The following CPQ variants were observed in gnomAD, a reference collection of about 807,000 sequenced individuals.
CPQ encodes the protein Ser-Met dipeptidase.
A neutral mutation model predicts 45.7 loss-of-function variants in CPQ; 37 were observed. The observed-to-expected ratio is 0.81, with a 90% CI of 0.62 to 1.07. The LOEUF (loss-of-function observed/expected upper bound fraction) is 1.07. Ranked by LOEUF, CPQ falls within the 50% of genes least tolerant of loss-of-function variation. CPQ has a pLI of 0.00. For synonymous variants in CPQ, 186 were observed against 205.8 expected, an observed-to-expected ratio of 0.90 and a Z score of 0.82; for missense variants, 537 against 572.9, an observed-to-expected ratio of 0.94 and a Z score of 0.64.
At chr8:96,673,708 T>A (rs1467551847) in intron 1 of CPQ, among the ~76,000 whole-genome samples, 1 of 152,110 alleles carries the variant, frequency 6.6e-6, no homozygotes, top group Non-Finnish European at 1.5e-5. Flanking sequence ...TTGTGGGACA[T>A]CCATAAGACT....
chr8:96,872,133 G>C (rs1191851819), intron 3 of CPQ, among the ~76,000 whole-genome samples: 1 of 151,808 alleles, frequency 6.6e-6, no homozygotes, highest in East Asian at 1.9e-4. Context: ...TCAGATTTTG[G>C]AATACTTACA....
chr8:96,968,221 C>G (rs1390624533), intron 5 of CPQ, among the ~76,000 whole-genome samples: 1 of 152,052 alleles, frequency 6.6e-6, no homozygotes, highest in African/African-American at 2.4e-5. Context: ...CCCAGTGACC[C>G]CTCCACTTTT....
At chr8:96,658,024 A>G (rs963093818) in intron 1 of CPQ, among the ~76,000 whole-genome samples, 8 of 152,238 alleles carry the variant, frequency 5.3e-5, no homozygotes, top group African/African-American at 1.9e-4. Flanking sequence ...TAAATCATTA[A>G]TGCCATATGT....
In CPQ at chr8:96,735,110, C is replaced by A. The variant is rs944347496; in HGVS notation, c.-34-49754C>A. Among the ~76,000 whole-genome samples, 5 of 152,118 alleles carry A rather than the reference C, an allele frequency of 3.3e-5. No individual in the cohort carries two copies. In the South Asian group the frequency reaches 1.0e-3, roughly 31 times the overall value. On this transcript the variant is annotated intron_variant, in intron 1 of 7. Coordinates refer to ENST00000220763, the MANE Select transcript of CPQ (RefSeq NM_016134.4). Reference sequence around the variant, plus strand: ...CTGTATGTTTTTATATCAAACAGGACCACTATGTTTTTTTCAGGACACTTA... The same window carrying A: ...CTGTATGTTTTTATATCAAACAGGAACACTATGTTTTTTTCAGGACACTTA...
chr8:96,973,363 G>T (rs914596418), intron 5 of CPQ, among the ~76,000 whole-genome samples: 7 of 152,074 alleles, frequency 4.6e-5, no homozygotes, highest in African/African-American at 1.7e-4. Flanking sequence ...CAAGAAGTTT[G>T]GGATTATGTT....
chr8:96,922,733 A>G (rs1812825580), intron 4 of CPQ, among the ~76,000 whole-genome samples: 1 of 152,246 alleles, frequency 6.6e-6, no homozygotes, highest in Admixed American at 6.5e-5. Context: ...AAGATGCTAC[A>G]TATCTGTAGC....
At chr8:96,927,809 C>G (rs1812912545) in intron 4 of CPQ, among the ~76,000 whole-genome samples, 9 of 152,186 alleles carry the variant, frequency 5.9e-5, no homozygotes, top group Admixed American at 5.9e-4. Flanking sequence ...GTTTCCACCA[C>G]CTTTTTTTGC....
At chr8:97,023,588 G>A (rs1809747123) in intron 5 of CPQ, among the ~76,000 whole-genome samples, 1 of 152,202 alleles carries the variant, frequency 6.6e-6, no homozygotes, top group Non-Finnish European at 1.5e-5. Flanking sequence ...CTTCACCAAT[G>A]ATTAACAGTG....
chr8:96,976,909 T>C (rs1813799916), intron 5 of CPQ, among the ~76,000 whole-genome samples: 1 of 152,006 alleles, frequency 6.6e-6, no homozygotes, highest in African/African-American at 2.4e-5. Flanking sequence ...GAAGATAAAA[T>C]TGGAAAAAGT....
chr8:96,977,431 A>C (rs1467248822), intron 5 of CPQ, among the ~76,000 whole-genome samples: 1 of 151,826 alleles, frequency 6.6e-6, no homozygotes, highest in Non-Finnish European at 1.5e-5. Context: ...AACAGTGTGG[A>C]TAATCTTTAA....
At chr8:96,815,589 C>T (rs1811217356) in intron 2 of CPQ, among the ~76,000 whole-genome samples, 1 of 152,132 alleles carries the variant, frequency 6.6e-6, no homozygotes, top group Admixed American at 6.6e-5. Context: ...CAGAAGCTCT[C>T]ATTGGCTAAA....
chr8:96,723,796 TA>T (rs149681386), intron 1 of CPQ, among the ~76,000 whole-genome samples: 1 of 152,090 alleles, frequency 6.6e-6, no homozygotes, highest in South Asian at 2.1e-4. Context: ...CCTGATTTTC[TA>T]AAAAACTAGG....
chr8:96,716,830 C>G (rs1809680011), intron 1 of CPQ, among the ~76,000 whole-genome samples: 2 of 151,386 alleles, frequency 1.3e-5, no homozygotes, highest in Admixed American at 1.3e-4. Context: ...TTGCTTGAAC[C>G]TGGGAGGCAG....
chr8:96,696,147 T>C (rs1465081681), intron 1 of CPQ, among the ~76,000 whole-genome samples: 37 of 152,102 alleles, frequency 2.4e-4, no homozygotes, highest in Non-Finnish European at 4.6e-4. Flanking sequence ...TGTAGGGACA[T>C]GGATGAAATT....
At chr8:97,039,721 A>G (rs952365269) in intron 6 of CPQ, among the ~76,000 whole-genome samples, 4 of 152,016 alleles carry the variant, frequency 2.6e-5, no homozygotes, top group Admixed American at 1.3e-4. Flanking sequence ...CCTATGAGTA[A>G]GAACATGTGG....
At chr8:96,973,371 G>A (rs1037216866) in intron 5 of CPQ, among the ~76,000 whole-genome samples, 1 of 152,108 alleles carries the variant, frequency 6.6e-6, no homozygotes, top group African/African-American at 2.4e-5. Flanking sequence ...TTGGGATTAT[G>A]TTAAACATCC....
At chr8:97,009,825 T>A (rs1809452387) in intron 5 of CPQ, among the ~76,000 whole-genome samples, 1 of 152,212 alleles carries the variant, frequency 6.6e-6, no homozygotes, top group Non-Finnish European at 1.5e-5. Flanking sequence ...ATGGAGACGG[T>A]GATGCCTCAT....
chr8:97,069,884 A>G (rs1027545597), intron 7 of CPQ, among the ~76,000 whole-genome samples: 2 of 152,184 alleles, frequency 1.3e-5, no homozygotes, highest in African/African-American at 2.4e-5. Flanking sequence ...ATAGAACTGT[A>G]TATCTATCAC....
chr8:96,781,130 AAAT>A (rs1452667171), intron 1 of CPQ, among the ~76,000 whole-genome samples: 12 of 152,194 alleles, frequency 7.9e-5, no homozygotes, highest in East Asian at 3.9e-4. Context: ...TGCTTTCGCA[AAAT>A]AATAATAAAT....
Sources: allele counts gnomAD v4.1 joint callset (sites outside exome capture counted in the v4.1 genomes callset), GRCh38; gene constraint gnomAD v4.1.1; transcripts MANE v1.5; gene names NCBI Gene and HGNC (gene_info 2026-07-23, HGNC 2026-07-21).